The following RPS9 variants were observed in gnomAD, a reference collection of about 807,000 sequenced individuals.
RPS9 encodes the protein small ribosomal subunit protein uS4.
RPS9 carries 1 observed loss-of-function variant against 16.9 expected under a neutral mutation model. The observed-to-expected ratio is 0.06, with a 90% CI of 0.02 to 0.28. The LOEUF is 0.28. Ranked by LOEUF, RPS9 falls within the 10% of genes least tolerant of loss-of-function variation. The probability of loss-of-function intolerance (pLI) is 1.00; values close to 1 mark genes in which losing one functional copy is unlikely to be tolerated. For missense variants in RPS9, 137 were observed against 273.2 expected (o/e 0.50, Z 3.51); for synonymous variants, 106 against 110.9 (o/e 0.96, Z 0.28).
intron 4 of RPS9, chr19:54,206,832 GA>G: frequency 1.0e-6 from 1 of 953,388 alleles, no homozygotes; most frequent in Non-Finnish European, 1.5e-6. Flanking sequence ...TCCAGACCCC[GA>G]TCCATGACTG....
At chr19:54,201,791 C>G (rs1288008306) in intron 3 of RPS9, 182 bp downstream of exon 3, 2 of 1,349,472 alleles carry the variant, frequency 1.5e-6, no homozygotes, top group Middle Eastern at 2.0e-4. Context: ...TGCCCTGTTT[C>G]TTAGGTGTGT....
At chr19:54,201,871 T>G in intron 3 of RPS9, 1 of 593,526 alleles carries the variant, frequency 1.7e-6, no homozygotes, top group East Asian at 3.0e-5. Context: ...CTGGCACACC[T>G]GGGCACCCGT....
At position 54,206,293 on chromosome 19, in the gene RPS9, C is replaced by T. The variant is rs770300853; in HGVS notation, c.238C>T (p.Arg80Trp). The change falls in exon 4 of 5, where the codon CGG becomes TGG. Residue 80 changes from arginine (R) to tryptophan (W), a missense_variant. Physicochemically the swap from Arg to Trp is moderately radical, Grantham distance 101. Coordinates refer to ENST00000302907, the MANE Select transcript of RPS9 (RefSeq NM_001013.4). ...RLFEGNALLR[R>W]LVRIGVLDEG... is the part of the protein sequence containing the mutation. ...CTTCCCAGGCAACGCCCTGCTGCGG[C>T]GGCTGGTCCGCATTGGGGTGCTGGA... 4 of 1,613,052 alleles carry T rather than the reference C, an allele frequency of 2.5e-6. No homozygotes were observed. The highest frequency in any genetic ancestry group is 1.3e-5 in the African/African-American group (1 of 75,048).
Position 54,207,506 on chromosome 19 carries a change from C to G in RPS9, c.516C>G (p.Arg172=). The change falls in exon 5 of 5, where the codon CGC becomes CGG. Residue 172 remains arginine, a synonymous_variant. Coordinates refer to ENST00000302907, the MANE Select transcript of RPS9 (RefSeq NM_001013.4). ...RSPYGGGRPG[R]VKRKNAKKGQ... ...CCTACGGGGGTGGCCGCCCGGGCCG[C>G]GTGAAGAGGAAGAATGCCAAGAAGG... 1 of 1,612,994 alleles carries G rather than the reference C, an allele frequency of 6.2e-7. No homozygotes were observed. The highest frequency in any genetic ancestry group is 8.5e-7 in the Non-Finnish European group (1 of 1,180,014).
At chr19:54,205,470 A>G (rs1478946082) in intron 3 of RPS9, among the ~76,000 whole-genome samples, 1 of 151,920 alleles carries the variant, frequency 6.6e-6, no homozygotes, top group Non-Finnish European at 1.5e-5. Context: ...CTAGCTGGAA[A>G]AATTCTAGTG....
intron 3 of RPS9, chr19:54,202,827 A>G (rs1321364183): frequency 1.0e-6 from 1 of 985,284 alleles, no homozygotes; most frequent in Non-Finnish European, 1.2e-6. Flanking sequence ...GTTTAGCTAC[A>G]GATTATCACA....
chr19:54,201,428 A>G (rs2077046895), intron 2 of RPS9, 59 bp from the exon 3 acceptor site: 2 of 1,610,348 alleles, frequency 1.2e-6, no homozygotes, highest in East Asian at 4.5e-5. Flanking sequence ...CAAAGCTGCC[A>G]GTCTAGTTGT....
At chr19:54,203,475 C>T (rs1646993527) in intron 3 of RPS9, 1 of 203,834 alleles carries the variant, frequency 4.9e-6, no homozygotes, top group East Asian at 1.9e-4. Flanking sequence ...TAATAATCAA[C>T]AGATAGAGGC....
chr19:54,202,400 G>T (rs2077089532), intron 3 of RPS9: 2 of 982,432 alleles, frequency 2.0e-6, no homozygotes, highest in Non-Finnish European at 2.4e-6. Flanking sequence ...GTCCAGGCTG[G>T]TGCTTGTTTT....
chr19:54,200,922 T>G, intron 1 of RPS9, 34 bp downstream of exon 1: 3 of 1,317,452 alleles, frequency 2.3e-6, no homozygotes, highest in Non-Finnish European at 2.9e-6. Flanking sequence ...TCTCTAGGGT[T>G]TGGGTTGGAT....
At position 54,201,146 on chromosome 19, in the gene RPS9, T is replaced by G. The variant is rs2077032568; in HGVS notation, c.-25-14T>G. On this transcript the variant is annotated splice_polypyrimidine_tract_variant and intron_variant, in intron 1 of 4. Coordinates refer to ENST00000302907, the MANE Select transcript of RPS9 (RefSeq NM_001013.4). ...CGTTTGGATCCCTTACGCTCACACT[T>G]CTCTCCCGCGCAGGCGCAGACGGGG... 1.2e-6 allele frequency: 2 copies of G among 1,612,352 alleles called. No individual in the cohort carries two copies. Among genetic ancestry groups the G allele is most frequent in the Non-Finnish European group, 1.7e-6 (2 of 1,179,814 alleles).
Position 54,206,183 on chromosome 19 carries a change from C to T in RPS9, c.221-93C>T, listed in dbSNP as rs1234098612. The T allele has an allele frequency of 1.7e-5, 22 of 1,296,922 alleles. No homozygotes were observed. The Admixed American group carries it at 1.7e-4, about 10-fold the overall frequency. The allele number at this position is 1,296,922 out of a possible 1,614,324, so 80.3% of individuals were successfully genotyped here. A position where few individuals can be genotyped will look rare whatever the true frequency, so the allele number is the denominator to read the frequency against. Reference sequence around the variant, plus strand: ...CTGTACTACTTGTGCCTCACCGCCGCGGCATGGAGCTACCAAGAGGCGGAG... The same window carrying T: ...CTGTACTACTTGTGCCTCACCGCCGTGGCATGGAGCTACCAAGAGGCGGAG... On this transcript the variant is annotated intron_variant, in intron 3 of 4. Transcript: ENST00000302907.
intron 3 of RPS9, chr19:54,202,566 A>G (rs555727590): frequency 5.1e-6 from 5 of 982,816 alleles, no homozygotes; most frequent in East Asian, 1.1e-4. Flanking sequence ...GTGGTGAAAT[A>G]CACATTAAAT....
intron 2 of RPS9, 31 bp downstream of exon 2, chr19:54,201,312 C>T: frequency 1.2e-6 from 2 of 1,613,772 alleles, no homozygotes; most frequent in Non-Finnish European, 1.7e-6. Context: ...GGAAGTGGTT[C>T]GGCTTCCGGG....
At chr19:54,205,704 A>G (rs1470631331) in intron 3 of RPS9, among the ~76,000 whole-genome samples, 2 of 152,078 alleles carry the variant, frequency 1.3e-5, no homozygotes, top group Non-Finnish European at 2.9e-5. Context: ...TCTTGCTAAG[A>G]ATGTGGAGCG....
At chr19:54,202,273 C>T (rs967683516) in intron 3 of RPS9, 1 of 232,790 alleles carries the variant, frequency 4.3e-6, no homozygotes, top group Non-Finnish European at 7.1e-6. Context: ...GCAAACTCCG[C>T]CTCCAGAGTT....
In RPS9 at chr19:54,201,292, A is replaced by T. The variant is rs2077040004; in HGVS notation, c.97+11A>T. 5.0e-6 allele frequency: 8 copies of T among 1,614,110 alleles called. No homozygotes were observed. Among genetic ancestry groups the T allele is most frequent in the Middle Eastern group, 3.3e-4 (2 of 6,062 alleles). On this transcript the variant is annotated intron_variant, in intron 2 of 4. Transcript: ENST00000302907. ...AGCTGAAGCTGATCGGTGAGTGGCC[A>T]AGGCTTCCGGGAAGTGGTTCGGCTT... is the stretch of plus-strand genomic sequence containing the variant.
At chr19:54,202,770 C>CA in intron 3 of RPS9, 1 of 985,428 alleles carries the variant, frequency 1.0e-6, no homozygotes, top group Non-Finnish European at 1.2e-6. Context: ...GACTGTTAGG[C>CA]ATGAGAGTGG....
chr19:54,200,944 C>G, intron 1 of RPS9, 56 bp downstream of exon 1: 1 of 1,368,460 alleles, frequency 7.3e-7, no homozygotes, highest in Non-Finnish European at 9.4e-7. Context: ...GTGGCCCGGG[C>G]CTTCCGAGTT....
Sources: gnomAD v4.1 joint callset for allele counts (sites outside exome capture counted in the v4.1 genomes callset) on GRCh38, gnomAD v4.1.1 for gene constraint, MANE v1.5 for transcripts, NCBI Gene and HGNC (gene_info 2026-07-23, HGNC 2026-07-21) for gene names.